Variants in ZNF362 observed in about 807,000 individuals in gnomAD.
The protein encoded by ZNF362 is rotund homolog.
Under a neutral mutation model 42.9 loss-of-function variants are expected in ZNF362, and 11 were observed. The ratio of observed to expected loss-of-function variants is 0.26; its 90% confidence interval spans 0.16 to 0.42. The LOEUF is 0.42. Among genes scored for constraint, ZNF362 ranks in the 20% least tolerant of loss-of-function variants. The probability of loss-of-function intolerance (pLI) is 1.00; values close to 1 mark genes in which losing one functional copy is unlikely to be tolerated. For missense variants in ZNF362, 362 were observed against 576.2 expected (o/e 0.63, Z 3.81); for synonymous variants, 255 against 257.3 (o/e 0.99, Z 0.09).
chr1:33,268,636 A>T (rs1645880340), intron 1 of ZNF362, among the ~76,000 whole-genome samples: 1 of 152,134 alleles, frequency 6.6e-6, no homozygotes, highest in South Asian at 2.1e-4. Flanking sequence ...ATGCATTGGA[A>T]TTCACTAGTG....
the ZNF362 span, among the ~76,000 whole-genome samples, chr1:33,210,872 G>T: frequency 0.9 from 136,308 of 151,838 alleles, 62,325 homozygotes; most frequent in South Asian, 0.98. Flanking sequence ...GTCTTAACCC[G>T]TTATCCAATT....
chr1:33,184,066 A>G, the ZNF362 span, among the ~76,000 whole-genome samples: 3 of 149,244 alleles, frequency 2.0e-5, no homozygotes, highest in Non-Finnish European at 4.4e-5. Flanking sequence ...TTGATGATGG[A>G]TGAAACAGTG....
At chr1:33,251,622 C>T (rs1645762364), upstream of ZNF362, among the ~76,000 whole-genome samples, 1 of 152,194 alleles carries the variant, frequency 6.6e-6, no homozygotes, top group African/African-American at 2.4e-5. Context: ...CCTATCTGGG[C>T]CTGCCTACGA....
At chr1:33,295,123 T>C in intron 7 of ZNF362, 24 bp from the exon 8 acceptor site, 2 of 1,588,056 alleles carry the variant, frequency 1.3e-6, no homozygotes, top group Admixed American at 1.7e-5. Context: ...GTTCCTCTCC[T>C]GACCCCCTGC....
the ZNF362 span, among the ~76,000 whole-genome samples, chr1:33,198,835 A>G: frequency 8.4e-4 from 128 of 152,310 alleles, 1 homozygote; most frequent in East Asian, 0.017. Flanking sequence ...AATAGAAGAT[A>G]TTTTAAAAAT....
the ZNF362 span, among the ~76,000 whole-genome samples, chr1:33,178,647 T>C: frequency 6.6e-6 from 1 of 152,232 alleles, no homozygotes; most frequent in Non-Finnish European, 1.5e-5. Context: ...GGAAGCATCC[T>C]GACCCCATTG....
At chr1:33,226,425 G>GC in the ZNF362 span, among the ~76,000 whole-genome samples, 1 of 152,248 alleles carries the variant, frequency 6.6e-6, no homozygotes, top group East Asian at 1.9e-4. Context: ...ATTCATAATA[G>GC]CCTAAAAATG....
At chr1:33,296,917 G>A (rs1646128912) in intron 8 of ZNF362, among the ~76,000 whole-genome samples, 1 of 150,446 alleles carries the variant, frequency 6.6e-6, no homozygotes, top group South Asian at 2.1e-4. Context: ...GGATCCTCCT[G>A]CTTCAACCTC....
chr1:33,159,700 G>T, the ZNF362 span: 1 of 1,608,264 alleles, frequency 6.2e-7, no homozygotes, highest in East Asian at 2.2e-5. This position sits in a 1 kb window ranked among gnomAD's most constrained non-coding sequence, Gnocchi z 4.2. Context: ...CTCGGACAGT[G>T]AGGCCACCCC....
chr1:33,136,159 CTT>C, the ZNF362 span, among the ~76,000 whole-genome samples: 7 of 147,508 alleles, frequency 4.7e-5, no homozygotes, highest in Admixed American at 2.0e-4. Context: ...TCCTTCCTTC[CTT>C]CCTTCCTTCC....
At chr1:33,199,519 T>C in the ZNF362 span, among the ~76,000 whole-genome samples, 3 of 151,794 alleles carry the variant, frequency 2.0e-5, no homozygotes, top group Non-Finnish European at 4.4e-5. Context: ...TTACAAGAAA[T>C]GTTAAAGGAA....
At chr1:33,295,350 G>A (rs1424414879) in intron 8 of ZNF362, 45 bp downstream of exon 8, 25 of 1,596,288 alleles carry the variant, frequency 1.6e-5, no homozygotes, top group South Asian at 7.9e-5. Flanking sequence ...GAGCCACTTC[G>A]TCTTCCAGGC....
chr1:33,211,113 T>G, the ZNF362 span, among the ~76,000 whole-genome samples: 1 of 152,028 alleles, frequency 6.6e-6, no homozygotes, highest in Non-Finnish European at 1.5e-5. Context: ...TTTTGTATTT[T>G]TAGTAGAGAT....
At chr1:33,212,404 C>T in the ZNF362 span, among the ~76,000 whole-genome samples, 4 of 152,156 alleles carry the variant, frequency 2.6e-5, no homozygotes, top group South Asian at 2.1e-4. Flanking sequence ...GTATCTCTAA[C>T]GTATATTGAG....
At chr1:33,133,655 C>A in the ZNF362 span, among the ~76,000 whole-genome samples, 5 of 152,308 alleles carry the variant, frequency 3.3e-5, no homozygotes, top group South Asian at 1.0e-3. Context: ...AAGCCACCCA[C>A]GTCTGGCCAA....
At chr1:33,187,319 C>G in the ZNF362 span, among the ~76,000 whole-genome samples, 1 of 152,224 alleles carries the variant, frequency 6.6e-6, no homozygotes, top group Non-Finnish European at 1.5e-5. Context: ...GTTTGAGGGA[C>G]AATGGCAGGG....
At chr1:33,246,937 C>T in the ZNF362 span, among the ~76,000 whole-genome samples, 3 of 152,310 alleles carry the variant, frequency 2.0e-5, no homozygotes, top group African/African-American at 7.2e-5. Flanking sequence ...GTTGGAGTAG[C>T]TGTTGGTGCT....
chr1:33,236,548 A>AT, the ZNF362 span, among the ~76,000 whole-genome samples: 149 of 5,956 alleles, frequency 0.025, 4 homozygotes, highest in African/African-American at 0.038. Context: ...AAAAAAAAAA[A>AT]AAATATATAT....
rs564228995 is a variant in ZNF362 at position 33,290,526 on chromosome 1, G to A, written c.909-4411G>A. Among the ~76,000 whole-genome samples, 84 of 152,192 alleles carry A rather than the reference G, an allele frequency of 5.5e-4. No individual in the cohort carries two copies. The South Asian group carries it at 0.016, about 28-fold the overall frequency. ...GTGAATAGTGCCGCAATAAACATAC[G>A]TGTGCATGTGTCTTTATAGCAGCAG... On this transcript the variant is annotated intron_variant, in intron 6 of 8. Coordinates refer to ENST00000539719, the MANE Select transcript of ZNF362 (RefSeq NM_152493.3).
Sources: allele counts gnomAD v4.1 joint callset (sites outside exome capture counted in the v4.1 genomes callset), GRCh38; gene constraint gnomAD v4.1.1; non-coding constraint Gnocchi (gnomAD v3.1); transcripts MANE v1.5; gene names NCBI Gene and HGNC (gene_info 2026-07-23, HGNC 2026-07-21).